ATPSCKMT: variants seen among roughly 807,000 people sequenced by gnomAD.
The protein encoded by ATPSCKMT is ATP synthase subunit C lysine N-methyltransferase.
A neutral mutation model predicts 24.3 loss-of-function variants in ATPSCKMT; 24 were observed. The ratio of observed to expected loss-of-function variants is 0.99; its 90% CI spans 0.71 to 1.39. The LOEUF is 1.39. Ranked by LOEUF, ATPSCKMT falls within the 40% of genes most tolerant of loss-of-function variation. The pLI is 0.00. For missense variants in ATPSCKMT, 311 were observed against 298.4 expected, an observed-to-expected ratio of 1.04 and a Z score of -0.31; for synonymous variants, 95 against 110.5, an observed-to-expected ratio of 0.86 and a Z score of 0.88.
intron 3 of ATPSCKMT, 152 bp from the exon 4 acceptor site, chr5:10,235,413 A>T: frequency 1.5e-6 from 1 of 656,666 alleles, no homozygotes; most frequent in South Asian, 1.8e-5. Flanking sequence ...TTAAGATTTC[A>T]CAAGGAAAAG....
chr5:10,230,874 T>C (rs1744098299), intron 4 of ATPSCKMT, among the ~76,000 whole-genome samples: 1 of 152,106 alleles, frequency 6.6e-6, no homozygotes, highest in Non-Finnish European at 1.5e-5. Flanking sequence ...CCAGAGCTCA[T>C]GCCTTCAACA....
rs1255538919 is a variant in ATPSCKMT at position 10,235,231 on chromosome 5, TAAC to T, written c.472_474del (p.Val158del). ...CTCACCATCTGAGGCACACCGAAAA[TAAC>T]AACGTTCGAGTACTGCGAAAAAGTA... On this transcript the variant is annotated inframe_deletion, in exon 4 of 5. Transcript: ENST00000511437. The T allele has an allele frequency of 6.2e-7, 1 of 1,613,584 alleles. No individual in the cohort carries two copies. Among genetic ancestry groups the T allele is most frequent in the Non-Finnish European group, 8.5e-7 (1 of 1,179,742 alleles).
intron 1 of ATPSCKMT, among the ~76,000 whole-genome samples, chr5:10,244,903 G>T (rs1744823988): frequency 1.0e-5 from 1 of 100,072 alleles, no homozygotes; most frequent in Non-Finnish European, 2.4e-5. Flanking sequence ...GCAATACCCT[G>T]GTTGTCAAAA....
chr5:10,249,445 A>G, intron 1 of ATPSCKMT: 1 of 206,978 alleles, frequency 4.8e-6, no homozygotes, highest in Non-Finnish European at 9.6e-6. Context: ...CCCTGTGAGT[A>G]GGCACTACTG....
chr5:10,240,011 G>A (rs1744554400), intron 1 of ATPSCKMT, among the ~76,000 whole-genome samples: 1 of 151,884 alleles, frequency 6.6e-6, no homozygotes, highest in Non-Finnish European at 1.5e-5. Context: ...CCGATCACGA[G>A]GTCAGGACAT....
chr5:10,229,360 G>A (rs1431312033), intron 4 of ATPSCKMT, among the ~76,000 whole-genome samples: 1 of 152,144 alleles, frequency 6.6e-6, no homozygotes, highest in African/African-American at 2.4e-5. Context: ...TCTGATGTGT[G>A]CTCATGAGCA....
Position 10,236,553 on chromosome 5 carries a change from A to G in ATPSCKMT, c.369T>C (p.Val123=). The change falls in exon 3 of 5, where the codon GTT becomes GTC. Residue 123 remains valine, a synonymous_variant. Transcript: ENST00000511437. ...AVGYELNPWL[V]WYSRYRAWRE... is the part of the protein sequence containing the mutation. ...GCCAAGCGCGGTATCTGGAATACCA[A>G]ACTAGCCATGGGTTTAATTCATAAC... The G allele has an allele frequency of 6.2e-7, 1 of 1,614,242 alleles. No homozygotes were observed. The highest frequency in any genetic ancestry group is 8.5e-7 in the Non-Finnish European group (1 of 1,180,046).
At chr5:10,246,527 T>G (rs1056461986) in intron 1 of ATPSCKMT, among the ~76,000 whole-genome samples, 13 of 152,268 alleles carry the variant, frequency 8.5e-5, no homozygotes, top group Non-Finnish European at 1.8e-4. Flanking sequence ...TGGACTTCTG[T>G]AACTGACATT....
At chr5:10,246,123 T>C (rs1014585076) in intron 1 of ATPSCKMT, among the ~76,000 whole-genome samples, 1 of 152,064 alleles carries the variant, frequency 6.6e-6, no homozygotes, top group Admixed American at 6.5e-5. Context: ...AATCTACTTT[T>C]TGTCTCAAGA....
intron 1 of ATPSCKMT, among the ~76,000 whole-genome samples, 199 bp from the exon 2 acceptor site, chr5:10,239,555 A>G (rs1360043050): frequency 6.6e-6 from 1 of 152,232 alleles, no homozygotes; most frequent in Admixed American, 6.5e-5. Flanking sequence ...ACATTATTCA[A>G]TACTATGAGA....
intron 1 of ATPSCKMT, chr5:10,249,463 C>A (rs543168866): frequency 8.7e-4 from 200 of 229,168 alleles, no homozygotes; most frequent in Non-Finnish European, 1.4e-3. Flanking sequence ...CTGTTACCAC[C>A]GTCACTTTGC....
At chr5:10,239,574 A>G (rs1018456919) in intron 1 of ATPSCKMT, among the ~76,000 whole-genome samples, 2 of 152,220 alleles carry the variant, frequency 1.3e-5, no homozygotes, top group Non-Finnish European at 2.9e-5. Context: ...GAAGACTAAA[A>G]TCTTTTCTTT....
chr5:10,242,896 G>A (rs1190009943), intron 1 of ATPSCKMT, among the ~76,000 whole-genome samples: 1 of 152,188 alleles, frequency 6.6e-6, no homozygotes, highest in Non-Finnish European at 1.5e-5. Context: ...ATTTTGAAAG[G>A]AATCCTTTTT....
At chr5:10,249,819 T>TG (rs765405560) in intron 1 of ATPSCKMT, 39 bp downstream of exon 1, 3 of 1,323,824 alleles carry the variant, frequency 2.3e-6, no homozygotes, top group Non-Finnish European at 3.0e-6. Context: ...GCACCCCTTC[T>TG]CATGCCCCCA....
chr5:10,241,571 C>T (rs1174186427), intron 1 of ATPSCKMT, among the ~76,000 whole-genome samples: 5 of 151,976 alleles, frequency 3.3e-5, no homozygotes, highest in Non-Finnish European at 5.9e-5. Flanking sequence ...CGAACTGGGT[C>T]GGCGGAGGGG....
rs766890187 is a variant in ATPSCKMT at position 10,239,271 on chromosome 5, G to A, written c.102C>T (p.Ser34=). Residue 34 remains serine (S), a synonymous_variant, in exon 2 of 5, where the codon AGC becomes AGT. Coordinates refer to ENST00000511437, the MANE Select transcript of ATPSCKMT (RefSeq NM_199133.4). ...GCCCAGTAAGTAAGAACCCCCAGTT[G>A]CTTTTCTGCAAACTGTTGACTTCAA... ...ASFEVNSLQK[S]NWGFLLTGLV... 1 of 1,614,192 alleles carries A rather than the reference G, an allele frequency of 6.2e-7. No homozygotes were observed. The highest frequency in any genetic ancestry group is 1.1e-5 in the South Asian group (1 of 91,084).
At chr5:10,228,443 CAATA>C (rs1170273549) in intron 4 of ATPSCKMT, among the ~76,000 whole-genome samples, 1 of 152,116 alleles carries the variant, frequency 6.6e-6, no homozygotes. Flanking sequence ...ATCAATCTAC[CAATA>C]AAGAGTTTTT....
intron 4 of ATPSCKMT, among the ~76,000 whole-genome samples, chr5:10,229,495 C>T (rs548929548): frequency 1.6e-4 from 25 of 152,224 alleles, no homozygotes; most frequent in African/African-American, 5.3e-4. Flanking sequence ...AGGTGGGATC[C>T]GGTGTCTCCA....
At chr5:10,232,660 A>T (rs1744202519) in intron 4 of ATPSCKMT, among the ~76,000 whole-genome samples, 1 of 152,200 alleles carries the variant, frequency 6.6e-6, no homozygotes, top group African/African-American at 2.4e-5. Flanking sequence ...AAGGAAGGAA[A>T]CACCCCAGGC....
Sources: gnomAD v4.1 joint callset for allele counts (sites outside exome capture counted in the v4.1 genomes callset) on GRCh38, gnomAD v4.1.1 for gene constraint, MANE v1.5 for transcripts, NCBI Gene and HGNC (gene_info 2026-07-23, HGNC 2026-07-21) for gene names.